The following CFDP1 variants were observed in gnomAD, a reference collection of about 807,000 sequenced individuals.
The protein encoded by CFDP1 is heterochromatin-stabilizing protein CFDP1.
CFDP1 carries 31 observed loss-of-function variants against 40.1 expected under a neutral mutation model. The observed-to-expected ratio is 0.77, with a 90% confidence interval of 0.58 to 1.04. The LOEUF (loss-of-function observed/expected upper bound fraction) is 1.04, where lower values mean the gene tolerates loss of function less well. Among genes scored for constraint, CFDP1 ranks in the 50% least tolerant of loss-of-function variants. CFDP1 has a pLI of 0.00. For missense variants in CFDP1, 423 were observed against 343.4 expected (o/e 1.23, Z -1.83); for synonymous variants, 167 against 120.0 (o/e 1.39, Z -2.56).
intron 6 of CFDP1, among the ~76,000 whole-genome samples, chr16:75,300,538 C>T (rs1236305482): frequency 1.3e-5 from 2 of 152,162 alleles, no homozygotes; most frequent in Admixed American, 6.5e-5. Flanking sequence ...CTGCCTGCCT[C>T]GGCCTCCCAA....
At position 75,315,668 on chromosome 16, in the gene CFDP1, C is replaced by T. The variant is rs142793440; in HGVS notation, c.651-10486G>A. ...CTTAGATTCAATTGTTAACATTTTG[C>T]CACATATAACTTTTCTTTCTATATA... On this transcript the variant is annotated intron_variant, in intron 5 of 6. Coordinates refer to ENST00000283882, the MANE Select transcript of CFDP1 (RefSeq NM_006324.3). 1.8e-4 allele frequency among the ~76,000 whole-genome samples: 28 copies of T among 152,264 alleles called. No homozygotes were observed. The East Asian group carries it at 5.4e-3, about 29-fold the overall frequency.
chr16:75,368,782 G>T (rs1245314313), intron 5 of CFDP1, among the ~76,000 whole-genome samples: 1 of 151,784 alleles, frequency 6.6e-6, no homozygotes, highest in African/African-American at 2.4e-5. Flanking sequence ...CTACAGGCAC[G>T]TGCCACTACG....
At chr16:75,413,359 C>T (rs1269157539) in intron 2 of CFDP1, among the ~76,000 whole-genome samples, 3 of 152,048 alleles carry the variant, frequency 2.0e-5, no homozygotes, top group Non-Finnish European at 4.4e-5. Flanking sequence ...GATTCCACTA[C>T]CTTTTTTCTC....
intron 5 of CFDP1, among the ~76,000 whole-genome samples, chr16:75,318,487 C>T (rs550569052): frequency 4.7e-5 from 7 of 150,142 alleles, no homozygotes; most frequent in African/African-American, 1.7e-4. Flanking sequence ...CTCACTGCAA[C>T]CTCCGCCTCC....
intron 5 of CFDP1, chr16:75,380,013 T>C (rs1229560478): frequency 2.0e-5 from 3 of 151,830 alleles, no homozygotes; most frequent in African/African-American, 7.3e-5. Flanking sequence ...AGGTACTCAT[T>C]TGTAGTCCCA....
intron 5 of CFDP1, chr16:75,324,744 A>C (rs989559796): frequency 8.8e-5 from 13 of 147,332 alleles, no homozygotes; most frequent in African/African-American, 3.1e-4. Flanking sequence ...CTTTGTCTTA[A>C]AAAAAAAAAA....
intron 5 of CFDP1, among the ~76,000 whole-genome samples, chr16:75,342,422 C>G (rs2078533229): frequency 6.6e-6 from 1 of 152,158 alleles, no homozygotes; most frequent in African/African-American, 2.4e-5. Context: ...TTCAGAATAG[C>G]TTTGGCAAAG....
chr16:75,308,859 G>A (rs886244078), intron 5 of CFDP1, among the ~76,000 whole-genome samples: 1 of 152,146 alleles, frequency 6.6e-6, no homozygotes, highest in Non-Finnish European at 1.5e-5. Context: ...ATGCACAGCA[G>A]TGAGGTTTCC....
chr16:75,370,589 G>A (rs2078744537), intron 5 of CFDP1, among the ~76,000 whole-genome samples: 1 of 152,102 alleles, frequency 6.6e-6, no homozygotes, highest in Admixed American at 6.6e-5. Flanking sequence ...GTGGCAGGGT[G>A]CAGTAGCTGA....
chr16:75,386,958 G>A (rs888572209), intron 5 of CFDP1, among the ~76,000 whole-genome samples: 4 of 151,976 alleles, frequency 2.6e-5, no homozygotes, highest in Non-Finnish European at 4.4e-5. Context: ...AATATTCAAG[G>A]GAAAATCTTT....
chr16:75,392,965 A>T (rs1260782315), intron 5 of CFDP1, among the ~76,000 whole-genome samples: 1 of 152,216 alleles, frequency 6.6e-6, no homozygotes, highest in Non-Finnish European at 1.5e-5. Flanking sequence ...AAATATCTTG[A>T]GTATGAAGTA....
intron 5 of CFDP1, among the ~76,000 whole-genome samples, chr16:75,319,695 G>A (rs2078348906): frequency 1.3e-5 from 2 of 152,086 alleles, no homozygotes; most frequent in Admixed American, 1.3e-4. Flanking sequence ...TTCCTCCAGA[G>A]GCAGCTTCCA....
At chr16:75,386,632 G>A (rs911494082) in intron 5 of CFDP1, among the ~76,000 whole-genome samples, 5 of 152,182 alleles carry the variant, frequency 3.3e-5, no homozygotes, top group Non-Finnish European at 4.4e-5. Context: ...GGCTGAGGCA[G>A]GAGCATCACT....
intron 5 of CFDP1, among the ~76,000 whole-genome samples, chr16:75,317,738 C>T (rs2078333032): frequency 6.6e-6 from 1 of 152,152 alleles, no homozygotes; most frequent in African/African-American, 2.4e-5. Flanking sequence ...TTTCCAGATA[C>T]TGGTTCCATA....
chr16:75,303,807 C>T (rs539130657), intron 6 of CFDP1, among the ~76,000 whole-genome samples: 4 of 152,236 alleles, frequency 2.6e-5, no homozygotes, highest in East Asian at 1.9e-4. Context: ...AGGATGGTAT[C>T]GTTATCCCAG....
At chr16:75,373,897 A>AAT (rs745556549) in intron 5 of CFDP1, among the ~76,000 whole-genome samples, 4 of 152,194 alleles carry the variant, frequency 2.6e-5, no homozygotes, top group Admixed American at 6.5e-5. Flanking sequence ...TTACAAACAT[A>AAT]CTGTTTCTCA....
At chr16:75,403,427 C>A (rs530010669) in intron 4 of CFDP1, among the ~76,000 whole-genome samples, 1 of 152,256 alleles carries the variant, frequency 6.6e-6, no homozygotes, top group South Asian at 2.1e-4. Flanking sequence ...CCATGTTGCC[C>A]AGGCTGGTCT....
At position 75,334,145 on chromosome 16, in the gene CFDP1, G is replaced by A. The variant is rs116168723; in HGVS notation, c.651-28963C>T. Among the ~76,000 whole-genome samples the A allele has an allele frequency of 4.0e-3, 609 of 152,080 alleles. 3 individuals are homozygous for A. The highest frequency in any genetic ancestry group is 0.014 in the African/African-American group (587 of 41,456). Reference sequence around the variant, plus strand: ...AGATCATCTTCAAGGGCCAATCATTGCCAGCCCCACCCACTCTCACACATC... The same window carrying A: ...AGATCATCTTCAAGGGCCAATCATTACCAGCCCCACCCACTCTCACACATC... On this transcript the variant is annotated intron_variant, in intron 5 of 6. Transcript: ENST00000283882.
chr16:75,309,830 A>AC (rs1246746657), intron 5 of CFDP1, among the ~76,000 whole-genome samples: 1 of 148,650 alleles, frequency 6.7e-6, no homozygotes, highest in Admixed American at 6.7e-5. Context: ...AAAAAAAAAA[A>AC]AAAAAAAAAA....
Sources: gnomAD v4.1 joint callset for allele counts (sites outside exome capture counted in the v4.1 genomes callset) on GRCh38, gnomAD v4.1.1 for gene constraint, MANE v1.5 for transcripts, NCBI Gene and HGNC (gene_info 2026-07-23, HGNC 2026-07-21) for gene names.